DNAJC3: variants seen among roughly 807,000 people sequenced by gnomAD.
The protein encoded by DNAJC3 is dnaJ homolog subfamily C member 3.
Under a neutral mutation model 68.6 loss-of-function variants are expected in DNAJC3, and 38 were observed. The ratio of observed to expected loss-of-function variants is 0.55; its 90% CI spans 0.43 to 0.73. DNAJC3 has a LOEUF of 0.73. Ranked by LOEUF, DNAJC3 falls within the 30% of genes least tolerant of loss-of-function variation. The pLI, the probability that DNAJC3 is intolerant of heterozygous loss-of-function variation, is 0.00. For synonymous variants in DNAJC3, 203 were observed against 204.0 expected, an observed-to-expected ratio of 1.00 and a Z score of 0.04; for missense variants, 526 against 591.9, an observed-to-expected ratio of 0.89 and a Z score of 1.16.
chr13:95,736,365 A>G (rs1881918813), intron 4 of DNAJC3, among the ~76,000 whole-genome samples: 6 of 150,150 alleles, frequency 4.0e-5, no homozygotes, highest in Admixed American at 3.3e-4. Context: ...GAAGAAAGTC[A>G]TTGGTAGCTT....
At chr13:95,680,520 A>C (rs1417012610) in intron 1 of DNAJC3, among the ~76,000 whole-genome samples, 1 of 152,220 alleles carries the variant, frequency 6.6e-6, no homozygotes, top group East Asian at 1.9e-4. Flanking sequence ...AAGTAATTTA[A>C]ATAAATTAAG....
At chr13:95,697,324 G>A (rs903601424) in intron 1 of DNAJC3, among the ~76,000 whole-genome samples, 2 of 152,004 alleles carry the variant, frequency 1.3e-5, no homozygotes, top group Non-Finnish European at 2.9e-5. Context: ...TAGTTTTTTT[G>A]TTCGTTTGTT....
chr13:95,732,732 C>T (rs1233741916), intron 4 of DNAJC3, among the ~76,000 whole-genome samples: 1 of 150,484 alleles, frequency 6.6e-6, no homozygotes, highest in Non-Finnish European at 1.5e-5. Context: ...TTTGTTCTTC[C>T]TTTTCTGGTT....
At chr13:95,699,384 A>T (rs1880529335) in intron 1 of DNAJC3, among the ~76,000 whole-genome samples, 2 of 152,226 alleles carry the variant, frequency 1.3e-5, no homozygotes, top group African/African-American at 4.8e-5. Context: ...CTCTGGGGTA[A>T]GAGTATGACA....
At chr13:95,698,580 G>C (rs922754510) in intron 1 of DNAJC3, among the ~76,000 whole-genome samples, 1 of 152,194 alleles carries the variant, frequency 6.6e-6, no homozygotes, top group African/African-American at 2.4e-5. Context: ...TCTGGGGCTC[G>C]TGACTCTCAG....
At chr13:95,739,350 C>T (rs1254419366) in intron 4 of DNAJC3, among the ~76,000 whole-genome samples, 1 of 150,850 alleles carries the variant, frequency 6.6e-6, no homozygotes, top group Non-Finnish European at 1.5e-5. Context: ...CTCTGTATTT[C>T]CTGAATCTGA....
intron 2 of DNAJC3, among the ~76,000 whole-genome samples, chr13:95,721,055 C>T (rs984394464): frequency 9.9e-5 from 15 of 152,098 alleles, no homozygotes; most frequent in Non-Finnish European, 1.9e-4. Flanking sequence ...ACATTAGGGC[C>T]CTATTCCTAA....
At chr13:95,687,967 A>G (rs1369661162) in intron 1 of DNAJC3, among the ~76,000 whole-genome samples, 1 of 152,138 alleles carries the variant, frequency 6.6e-6, no homozygotes, top group East Asian at 1.9e-4. Context: ...AGTGTTTAAT[A>G]GTTCTCCCTT....
chr13:95,725,747 A>G (rs1206728467), intron 4 of DNAJC3, among the ~76,000 whole-genome samples: 1 of 150,760 alleles, frequency 6.6e-6, no homozygotes. Flanking sequence ...GTATGTATAC[A>G]TGTGCCATGT....
chr13:95,760,240 CAT>C lies in DNAJC3; in HGVS notation c.728+20_728+21del, dbSNP rs767177050. ...CCCTCAGGTCAGTTCTAGTGACACA[CAT>C]GTCTGATCTTTTTTAATTGTTGGCA... On this transcript the variant is annotated intron_variant, in intron 6 of 11. Coordinates refer to ENST00000602402, the MANE Select transcript of DNAJC3 (RefSeq NM_006260.5). 134 of 1,487,452 alleles carry C rather than the reference CAT, an allele frequency of 9.0e-5. 1 individual carries two copies. Among genetic ancestry groups the C allele is most frequent in the African/African-American group, 7.6e-4 (54 of 70,858 alleles). The allele number at this position is 1,487,452 out of a possible 1,614,324, so 92.1% of individuals were successfully genotyped here. A position where few individuals can be genotyped will look rare whatever the true frequency, so the allele number is the denominator to read the frequency against.
Position 95,791,092 on chromosome 13 carries a change from C to G in DNAJC3, c.*62C>G, listed in dbSNP as rs887381781. The stretch of plus-strand genomic sequence containing the variant: ...GATTAAAAACAAAGAAATCTTGTTC[C>G]GGGACCCTAATGAAAAAAAATTTCA... On this transcript the variant is annotated 3_prime_UTR_variant, in exon 12 of 12. Coordinates refer to ENST00000602402, the MANE Select transcript of DNAJC3 (RefSeq NM_006260.5). The G allele has an allele frequency of 6.3e-7, 1 of 1,577,088 alleles. No homozygotes were observed. Among genetic ancestry groups the G allele is most frequent in the Non-Finnish European group, 8.6e-7 (1 of 1,161,626 alleles).
intron 4 of DNAJC3, chr13:95,744,707 A>G (rs73552764): frequency 6.6e-6 from 1 of 152,212 alleles, no homozygotes; most frequent in Non-Finnish European, 1.5e-5. Flanking sequence ...TTAACATATT[A>G]AAAAATTGAT....
chr13:95,749,165 T>C (rs1350504418), intron 4 of DNAJC3, among the ~76,000 whole-genome samples: 5 of 152,258 alleles, frequency 3.3e-5, no homozygotes, highest in Non-Finnish European at 2.9e-5. Context: ...ATATGCATTT[T>C]TGTTATATCA....
intron 4 of DNAJC3, among the ~76,000 whole-genome samples, chr13:95,748,222 A>C (rs1341202280): frequency 6.6e-6 from 1 of 152,216 alleles, no homozygotes; most frequent in Non-Finnish European, 1.5e-5. Flanking sequence ...GTCCTTTCAT[A>C]TAACTGTATT....
rs373887645 is a variant in DNAJC3 at position 95,773,011 on chromosome 13, A to C, written c.1075+9058A>C. 5.5e-4 allele frequency among the ~76,000 whole-genome samples: 81 copies of C among 146,428 alleles called. 1 individual carries two copies. The East Asian group carries it at 0.015, about 26-fold the overall frequency. On this transcript the variant is annotated intron_variant, in intron 9 of 11. Transcript: ENST00000602402. The stretch of plus-strand genomic sequence containing the variant: ...AACAGTTCAAAATTGTCCCTCCTCT[A>C]TTTTCTGAAAGAGTCATATAAGATT...
chr13:95,761,682 C>T (rs1307165469), intron 7 of DNAJC3, among the ~76,000 whole-genome samples: 1 of 152,084 alleles, frequency 6.6e-6, no homozygotes, highest in African/African-American at 2.4e-5. Context: ...TAGCTTGTGG[C>T]AACCACTAAT....
intron 1 of DNAJC3, among the ~76,000 whole-genome samples, chr13:95,691,302 G>A (rs1780354526): frequency 1.3e-5 from 2 of 151,572 alleles, no homozygotes; most frequent in Middle Eastern, 3.2e-3. Context: ...CTCAGACGGG[G>A]CACTTGCCGG....
chr13:95,694,634 C>T (rs1255999747), intron 1 of DNAJC3: 4 of 152,584 alleles, frequency 2.6e-5, no homozygotes, highest in Admixed American at 6.5e-5. Flanking sequence ...TTGATCTCCC[C>T]ACACCATCCA....
At chr13:95,728,060 T>C (rs1260214585) in intron 4 of DNAJC3, among the ~76,000 whole-genome samples, 1 of 152,234 alleles carries the variant, frequency 6.6e-6, no homozygotes, top group African/African-American at 2.4e-5. Context: ...TTCTGGAGAT[T>C]TATCTAGATT....
Sources: gnomAD v4.1 joint callset for allele counts (sites outside exome capture counted in the v4.1 genomes callset) on GRCh38, gnomAD v4.1.1 for gene constraint, MANE v1.5 for transcripts, NCBI Gene and HGNC (gene_info 2026-07-23, HGNC 2026-07-21) for gene names.